Variants in SORCS1 observed in about 807,000 individuals in gnomAD.
SORCS1 encodes VPS10 domain-containing receptor SorCS1.
In SORCS1, 60 loss-of-function variants were observed where a neutral mutation model predicts 146.1. The observed-to-expected ratio is 0.41, with a 90% CI of 0.33 to 0.51. The LOEUF is 0.51. SORCS1 is among the 20% of genes least tolerant of loss of function. SORCS1 has a pLI of 0.21. For missense variants in SORCS1, 1,352 were observed against 1,487.6 expected, an observed-to-expected ratio of 0.91 and a Z score of 1.50; for synonymous variants, 637 against 584.0, an observed-to-expected ratio of 1.09 and a Z score of -1.31.
At chr10:106,607,143 G>T (rs780333148) in intron 23 of SORCS1, 23 bp downstream of exon 23, 1 of 1,611,902 alleles carries the variant, frequency 6.2e-7, no homozygotes, top group African/African-American at 1.3e-5. Context: ...AGCTGAAAAC[G>T]TCTCCTTTTC....
chr10:106,836,199 G>A (rs974963631), intron 2 of SORCS1, among the ~76,000 whole-genome samples: 1 of 152,066 alleles, frequency 6.6e-6, no homozygotes, highest in Non-Finnish European at 1.5e-5. Flanking sequence ...GGTGCGCCGG[G>A]CGCAGTGGCT....
At chr10:106,632,742 A>T (rs1479015245) in intron 18 of SORCS1, among the ~76,000 whole-genome samples, 1 of 152,206 alleles carries the variant, frequency 6.6e-6, no homozygotes, top group Non-Finnish European at 1.5e-5. Flanking sequence ...ATGCAAAAAA[A>T]ATTATTGCAG....
intron 3 of SORCS1, among the ~76,000 whole-genome samples, chr10:106,801,570 C>T (rs919868396): frequency 1.3e-5 from 2 of 148,248 alleles, no homozygotes; most frequent in Non-Finnish European, 3.0e-5. Flanking sequence ...GCTCTGTCTC[C>T]CAGGCTGGAG....
At chr10:106,662,138 A>G (rs1850776856) in intron 17 of SORCS1, among the ~76,000 whole-genome samples, 1 of 152,224 alleles carries the variant, frequency 6.6e-6, no homozygotes, top group Non-Finnish European at 1.5e-5. Context: ...ACTTCTACAT[A>G]GTAAAGATGA....
intron 2 of SORCS1, among the ~76,000 whole-genome samples, chr10:106,833,324 TAGAG>T (rs954100392): frequency 6.6e-5 from 10 of 152,166 alleles, no homozygotes; most frequent in Non-Finnish European, 2.9e-5. Context: ...AAGCAATTGA[TAGAG>T]AGAAAATGAT....
At chr10:106,631,474 G>C (rs1848436393) in intron 18 of SORCS1, among the ~76,000 whole-genome samples, 1 of 152,190 alleles carries the variant, frequency 6.6e-6, no homozygotes, top group Admixed American at 6.5e-5. Flanking sequence ...GCCAGCCCTA[G>C]GTGTGGGCAA....
chr10:106,740,699 T>C (rs1857302059), intron 5 of SORCS1, among the ~76,000 whole-genome samples: 1 of 152,220 alleles, frequency 6.6e-6, no homozygotes, highest in Non-Finnish European at 1.5e-5. Context: ...TGATGTCATA[T>C]AGGGCCACAA....
At chr10:106,659,956 G>A (rs1850599225) in intron 17 of SORCS1, among the ~76,000 whole-genome samples, 1 of 152,158 alleles carries the variant, frequency 6.6e-6, no homozygotes, top group Admixed American at 6.5e-5. Flanking sequence ...GAGGCTGTAT[G>A]GTTCTTGGCT....
chr10:106,940,880 A>G (rs1439422175), intron 2 of SORCS1, among the ~76,000 whole-genome samples: 1 of 152,128 alleles, frequency 6.6e-6, no homozygotes, highest in African/African-American at 2.4e-5. Context: ...ACAAAACTCC[A>G]TCTCAAAAAA....
At chr10:106,772,470 A>ATCAATC (rs1354699246) in intron 4 of SORCS1, among the ~76,000 whole-genome samples, 49 of 127,612 alleles carry the variant, frequency 3.8e-4, no homozygotes, top group African/African-American at 1.4e-3. Context: ...CAATCAATCA[A>ATCAATC]TCTCTCTCTC....
At chr10:106,987,104 T>C (rs1368079596) in intron 1 of SORCS1, among the ~76,000 whole-genome samples, 1 of 152,234 alleles carries the variant, frequency 6.6e-6, no homozygotes, top group African/African-American at 2.4e-5. Flanking sequence ...TTTTCACTCC[T>C]AATAGGCTTT....
chr10:106,722,636 A>T (rs1234296619), intron 6 of SORCS1, among the ~76,000 whole-genome samples: 5 of 152,178 alleles, frequency 3.3e-5, no homozygotes, highest in African/African-American at 1.2e-4. Flanking sequence ...TCATGAAAAT[A>T]AACACTGGGA....
chr10:106,693,973 G>A (rs1853498060), intron 9 of SORCS1, among the ~76,000 whole-genome samples: 1 of 151,750 alleles, frequency 6.6e-6, no homozygotes, highest in African/African-American at 2.4e-5. Flanking sequence ...CAAATCCTAA[G>A]TGCCAAAATT....
intron 2 of SORCS1, among the ~76,000 whole-genome samples, chr10:106,893,189 C>T (rs535955338): frequency 4.2e-4 from 64 of 152,240 alleles, no homozygotes; most frequent in African/African-American, 1.4e-3. Flanking sequence ...AGGCGTGAGC[C>T]ACCGTGGCCA....
At chr10:106,694,663 C>T (rs1338721603) in intron 9 of SORCS1, among the ~76,000 whole-genome samples, 1 of 152,192 alleles carries the variant, frequency 6.6e-6, no homozygotes, top group Non-Finnish European at 1.5e-5. Context: ...AAGATGTATG[C>T]TATATTATCA....
At chr10:106,980,568 A>G (rs1324214995) in intron 1 of SORCS1, among the ~76,000 whole-genome samples, 2 of 152,198 alleles carry the variant, frequency 1.3e-5, no homozygotes, top group African/African-American at 4.8e-5. Flanking sequence ...AATCAATGAC[A>G]AGCAAACTTC....
intron 1 of SORCS1, among the ~76,000 whole-genome samples, chr10:107,067,100 A>G (rs1010328070): frequency 1.3e-5 from 2 of 152,160 alleles, no homozygotes; most frequent in Non-Finnish European, 2.9e-5. Flanking sequence ...TCAAACTCAT[A>G]CTGGAGATGA....
At chr10:106,580,384 A>G (rs1844832287) in intron 24 of SORCS1, among the ~76,000 whole-genome samples, 1 of 152,178 alleles carries the variant, frequency 6.6e-6, no homozygotes, top group Non-Finnish European at 1.5e-5. Context: ...CTTGAGGTGC[A>G]GTCTGGAAAA....
chr10:107,086,353 C>T (rs993256011), intron 1 of SORCS1, among the ~76,000 whole-genome samples: 1 of 152,088 alleles, frequency 6.6e-6, no homozygotes, highest in Admixed American at 6.5e-5. Flanking sequence ...GGATACCTAA[C>T]CTCATTTAAA....
Sources: allele counts gnomAD v4.1 joint callset (sites outside exome capture counted in the v4.1 genomes callset), GRCh38; gene constraint gnomAD v4.1.1; transcripts MANE v1.5; gene names NCBI Gene and HGNC (gene_info 2026-07-23, HGNC 2026-07-21).